Variants in MTMR7 observed in about 807,000 individuals in gnomAD.
The protein encoded by MTMR7 is phosphatidylinositol-3-phosphate phosphatase MTMR7.
In MTMR7, 76 loss-of-function variants were observed where a neutral mutation model predicts 81.2. That is an observed-to-expected ratio of 0.94 (90% CI 0.78 to 1.13). The LOEUF is 1.13. MTMR7 is among the 50% of genes most tolerant of loss of function. The pLI, the probability that MTMR7 is intolerant of heterozygous loss-of-function variation, is 0.00. For synonymous variants in MTMR7, 372 were observed against 289.8 expected (o/e 1.28, Z -2.88); for missense variants, 1,044 against 820.0 (o/e 1.27, Z -3.34).
chr8:17,316,035 T>C (rs1818049640), intron 7 of MTMR7, among the ~76,000 whole-genome samples: 1 of 152,118 alleles, frequency 6.6e-6, no homozygotes, highest in African/African-American at 2.4e-5. Context: ...AAGTTACAAA[T>C]AAAGTCTCGT....
At position 17,312,932 on chromosome 8, in the gene MTMR7, T is replaced by C. The variant is rs547299095; in HGVS notation, c.975+360A>G. On this transcript the variant is annotated intron_variant, in intron 8 of 13. Transcript: ENST00000180173. ...GCTACAGGAACATGACTTTTGCTTA[T>C]GCCATGACTAAAAAGAAGGCTCTAC... Among the ~76,000 whole-genome samples the C allele has an allele frequency of 2.6e-5, 4 of 152,344 alleles. No homozygotes were observed. In the East Asian group the frequency reaches 7.7e-4, roughly 29 times the overall value.
At chr8:17,337,739 C>A (rs1420336059) in intron 6 of MTMR7, among the ~76,000 whole-genome samples, 3 of 152,214 alleles carry the variant, frequency 2.0e-5, no homozygotes, top group Non-Finnish European at 4.4e-5. Flanking sequence ...CCTCAGCCTC[C>A]CAAATAGCTG....
chr8:17,318,345 G>T (rs959658607), intron 7 of MTMR7, among the ~76,000 whole-genome samples: 1 of 152,080 alleles, frequency 6.6e-6, no homozygotes, highest in South Asian at 2.1e-4. Flanking sequence ...GAAAAAGCTG[G>T]GCTGAAGACA....
Position 17,302,252 on chromosome 8 carries a change from C to T in MTMR7, c.1522G>A (p.Glu508Lys), listed in dbSNP as rs778696608. The T allele has an allele frequency of 1.2e-6, 2 of 1,613,996 alleles. No homozygotes were observed. Among genetic ancestry groups the T allele is most frequent in the Non-Finnish European group, 1.7e-6 (2 of 1,179,948 alleles). ...GACTGTCGGGGCTGCATCCCCTTTT[C>T]AAAGCGGTTATACATTCCACTCCAA... is the stretch of plus-strand genomic sequence containing the variant. ...KFWSGMYNRF[E>K]KGMQPRQSVT... is the part of the protein sequence containing the mutation. The change falls in exon 13 of 14, where the codon GAA becomes AAA. Residue 508 changes from glutamate to lysine, a missense_variant. Glu to Lys is a moderately conservative substitution (Grantham distance 56, BLOSUM62 1). Transcript: ENST00000180173.
chr8:17,328,937 T>C (rs1818842959), intron 7 of MTMR7, among the ~76,000 whole-genome samples: 1 of 152,054 alleles, frequency 6.6e-6, no homozygotes. Context: ...AGATCATCTC[T>C]ATAGAGGACC....
At chr8:17,307,586 T>C (rs1412149713) in intron 10 of MTMR7, among the ~76,000 whole-genome samples, 9 of 151,948 alleles carry the variant, frequency 5.9e-5, no homozygotes, top group Non-Finnish European at 2.9e-5. Flanking sequence ...CACATGCACA[T>C]GAATGTTTAT....
chr8:17,327,109 T>G (rs1387021218), intron 7 of MTMR7, among the ~76,000 whole-genome samples: 2 of 152,224 alleles, frequency 1.3e-5, no homozygotes, highest in Non-Finnish European at 2.9e-5. Context: ...TTCTCCCATG[T>G]TAGTACATAT....
At chr8:17,355,809 C>A (rs1218765913) in intron 4 of MTMR7, among the ~76,000 whole-genome samples, 1 of 152,140 alleles carries the variant, frequency 6.6e-6, no homozygotes, top group African/African-American at 2.4e-5. Context: ...GAAGAGTCAA[C>A]ATGAACAGCC....
chr8:17,319,553 C>T (rs773092208), intron 7 of MTMR7, among the ~76,000 whole-genome samples: 5 of 152,094 alleles, frequency 3.3e-5, no homozygotes, highest in Non-Finnish European at 5.9e-5. Context: ...GTGGGTTTTA[C>T]CAGAAATAAT....
chr8:17,384,309 G>A (rs1820859417), intron 1 of MTMR7, among the ~76,000 whole-genome samples: 1 of 152,142 alleles, frequency 6.6e-6, no homozygotes, highest in Non-Finnish European at 1.5e-5. Context: ...TACTTAGGAG[G>A]CTGAAGTGGG....
At chr8:17,402,703 A>C (rs1342688220) in intron 1 of MTMR7, among the ~76,000 whole-genome samples, 1 of 152,224 alleles carries the variant, frequency 6.6e-6, no homozygotes, top group African/African-American at 2.4e-5. Flanking sequence ...GACTTCTGTG[A>C]ATAATGCTGC....
chr8:17,406,015 C>A (rs1468873435), intron 1 of MTMR7, among the ~76,000 whole-genome samples: 1 of 151,968 alleles, frequency 6.6e-6, no homozygotes, highest in Non-Finnish European at 1.5e-5. Flanking sequence ...TGAAATTATG[C>A]AAAATTACTA....
At chr8:17,310,516 G>A (rs2285274) in intron 9 of MTMR7, among the ~76,000 whole-genome samples, 15,876 of 152,182 alleles carry the variant, frequency 0.1, 1,418 homozygotes, top group South Asian at 0.41. Context: ...AAGAGCCTAA[G>A]GGCAGTGTGT....
At chr8:17,324,289 C>T (rs1003335042) in intron 7 of MTMR7, among the ~76,000 whole-genome samples, 36 of 152,162 alleles carry the variant, frequency 2.4e-4, no homozygotes, top group African/African-American at 7.7e-4. Context: ...ATAAATGTCC[C>T]GGCTCCTGTG....
At chr8:17,318,641 T>G (rs890824076) in intron 7 of MTMR7, among the ~76,000 whole-genome samples, 2 of 152,174 alleles carry the variant, frequency 1.3e-5, no homozygotes, top group Non-Finnish European at 2.9e-5. Context: ...CCAGGTTTCC[T>G]GAGATTCTCT....
intron 4 of MTMR7, among the ~76,000 whole-genome samples, chr8:17,353,913 G>A (rs986084548): frequency 2.6e-5 from 4 of 152,082 alleles, no homozygotes; most frequent in Non-Finnish European, 5.9e-5. Flanking sequence ...CTTACTATAC[G>A]CCAGGCATTA....
chr8:17,362,685 G>C (rs575861486), intron 3 of MTMR7, among the ~76,000 whole-genome samples: 1 of 152,222 alleles, frequency 6.6e-6, no homozygotes, highest in South Asian at 2.1e-4. Context: ...TAATCTTCCT[G>C]TTTTTCTCCA....
chr8:17,392,129 T>C (rs1340830846), intron 1 of MTMR7, among the ~76,000 whole-genome samples: 1 of 152,084 alleles, frequency 6.6e-6, no homozygotes, highest in Non-Finnish European at 1.5e-5. Context: ...ATTTCAAGCG[T>C]ACTTCACAGC....
At chr8:17,307,124 T>C (rs1228281392) in intron 10 of MTMR7, among the ~76,000 whole-genome samples, 2 of 151,938 alleles carry the variant, frequency 1.3e-5, no homozygotes, top group Non-Finnish European at 2.9e-5. Context: ...GGGAGAAAAT[T>C]TTTGCAACCT....
Sources: gnomAD v4.1 joint callset for allele counts (sites outside exome capture counted in the v4.1 genomes callset) on GRCh38, gnomAD v4.1.1 for gene constraint, MANE v1.5 for transcripts, NCBI Gene and HGNC (gene_info 2026-07-23, HGNC 2026-07-21) for gene names.